The following PTK2 variants were observed in gnomAD, a reference collection of about 807,000 sequenced individuals.
PTK2 encodes protein tyrosine kinase 2, also known as focal adhesion kinase 1.
In PTK2, 45 loss-of-function variants were observed where a neutral mutation model predicts 150.1. The observed-to-expected ratio is 0.30, with a 90% CI of 0.24 to 0.38. The LOEUF is 0.38. Ranked by LOEUF, PTK2 falls within the 10% of genes least tolerant of loss-of-function variation. PTK2 has a pLI of 1.00. For synonymous variants in PTK2, 432 were observed against 449.2 expected (o/e 0.96, Z 0.48); for missense variants, 919 against 1,307.3 (o/e 0.70, Z 4.58).
chr8:140,954,506 G>C (rs1320366082), intron 1 of PTK2, among the ~76,000 whole-genome samples: 1 of 152,154 alleles, frequency 6.6e-6, no homozygotes, highest in Non-Finnish European at 1.5e-5. Context: ...TAATGTACCA[G>C]ACAGTATTCT....
chr8:140,856,901 G>T (rs2100132970), intron 5 of PTK2, among the ~76,000 whole-genome samples: 1 of 152,166 alleles, frequency 6.6e-6, no homozygotes, highest in Non-Finnish European at 1.5e-5. Flanking sequence ...TGGCTAAAGG[G>T]ATGGAGAGAT....
At chr8:140,824,539 T>C (rs932105852) in intron 8 of PTK2, among the ~76,000 whole-genome samples, 1 of 152,250 alleles carries the variant, frequency 6.6e-6, no homozygotes, top group African/African-American at 2.4e-5. Context: ...TCTTATGGTC[T>C]GTACTTAAAT....
chr8:140,817,483 TGAG>T (rs1437248626), intron 10 of PTK2, among the ~76,000 whole-genome samples: 10 of 152,204 alleles, frequency 6.6e-5, no homozygotes, highest in Admixed American at 6.5e-4. Flanking sequence ...GTGCAAGGCC[TGAG>T]AAGAAGCCCC....
At chr8:140,862,931 G>A (rs2154605770) in intron 5 of PTK2, among the ~76,000 whole-genome samples, 3 of 152,156 alleles carry the variant, frequency 2.0e-5, no homozygotes, top group African/African-American at 7.2e-5. Flanking sequence ...AAAGCAGCAG[G>A]CCCCAACCTA....
intron 5 of PTK2, among the ~76,000 whole-genome samples, chr8:140,862,112 T>C (rs1304423178): frequency 2.6e-5 from 4 of 152,192 alleles, no homozygotes; most frequent in East Asian, 1.9e-4. Flanking sequence ...CAGTGTGAAC[T>C]AGGAACAAAA....
At chr8:140,978,586 G>A (rs28768427) in intron 1 of PTK2, among the ~76,000 whole-genome samples, 59,326 of 147,040 alleles carry the variant, frequency 0.4, 12,706 homozygotes, top group Non-Finnish European at 0.52. Flanking sequence ...AGTTAGAATG[G>A]CAATCATTAA....
At chr8:140,926,304 T>C (rs190092762) in intron 1 of PTK2, among the ~76,000 whole-genome samples, 4 of 152,274 alleles carry the variant, frequency 2.6e-5, no homozygotes, top group African/African-American at 9.6e-5. Flanking sequence ...AACTAACTGG[T>C]CAGGTGCAGA....
Position 140,924,893 on chromosome 8 carries a change from T to C in PTK2, c.-33+768A>G, listed in dbSNP as rs79091992. 8.1e-4 allele frequency among the ~76,000 whole-genome samples: 123 copies of C among 152,266 alleles called. 1 individual carries two copies. The East Asian group carries it at 0.021, about 26-fold the overall frequency. ...TAGTGTGTGAGATTAGATAAAATCA[T>C]TAGGGTTGCAAAAAATGTTATAAGC... On this transcript the variant is annotated intron_variant, in intron 2 of 31. Transcript: ENST00000522684.
chr8:140,833,081 A>AT, intron 7 of PTK2: 1 of 518,900 alleles, frequency 1.9e-6, no homozygotes, highest in South Asian at 1.4e-5. Flanking sequence ...AAAGTGTTGT[A>AT]TGATTCAAGA....
At chr8:140,967,332 C>A (rs1484724308) in intron 1 of PTK2, among the ~76,000 whole-genome samples, 1 of 152,090 alleles carries the variant, frequency 6.6e-6, no homozygotes, top group Non-Finnish European at 1.5e-5. Flanking sequence ...TTCAATATGA[C>A]ATATTGACAA....
At chr8:140,709,610 C>T (rs1320156025) in intron 23 of PTK2, among the ~76,000 whole-genome samples, 1 of 152,156 alleles carries the variant, frequency 6.6e-6, no homozygotes, top group Non-Finnish European at 1.5e-5. Flanking sequence ...CCAGCAGCTA[C>T]CTCCTGGAGC....
intron 16 of PTK2, 128 bp downstream of exon 19, chr8:140,761,037 A>G (rs2100069135): frequency 1.6e-6 from 1 of 637,606 alleles, no homozygotes; most frequent in Non-Finnish European, 2.6e-6. Context: ...ATTTATGAAG[A>G]GCTTTATAAA....
chr8:140,807,914 G>A (rs1414903150), intron 10 of PTK2, among the ~76,000 whole-genome samples: 1 of 152,174 alleles, frequency 6.6e-6, no homozygotes, highest in Non-Finnish European at 1.5e-5. Flanking sequence ...CTTATCTACA[G>A]GAGGATCACT....
chr8:140,820,584 T>TC (rs2100107927), intron 8 of PTK2: 1 of 21,868 alleles, frequency 4.6e-5, no homozygotes, highest in Non-Finnish European at 6.6e-5. Context: ...TTCTTCTTCT[T>TC]TTTTTTTTTT....
At chr8:140,990,344 C>G (rs2100195239) in intron 1 of PTK2, among the ~76,000 whole-genome samples, 1 of 151,944 alleles carries the variant, frequency 6.6e-6, no homozygotes, top group African/African-American at 2.4e-5. Flanking sequence ...AAGCAGTCCT[C>G]CCACCTCATC....
chr8:140,674,427 A>G (rs752315087), intron 28 of PTK2, 23 bp from the exon 32 acceptor site: 6 of 1,557,376 alleles, frequency 3.9e-6, no homozygotes, highest in South Asian at 2.3e-5. Context: ...AATGATTCCC[A>G]TTAAGTCATG....
intron 31 of PTK2, among the ~76,000 whole-genome samples, chr8:140,661,711 G>A (rs1210509245): frequency 3.3e-5 from 5 of 152,192 alleles, no homozygotes; most frequent in Non-Finnish European, 5.9e-5. Flanking sequence ...GGCAGGAGAG[G>A]AGTGAGTGAG....
intron 5 of PTK2, 73 bp from the exon 6 acceptor site, chr8:140,846,751 T>C (rs1598415247): frequency 5.9e-6 from 6 of 1,021,966 alleles, no homozygotes; most frequent in Non-Finnish European, 8.8e-6. Context: ...TCAATAAATG[T>C]TTCCTGAGTA....
chr8:140,997,107 C>T (rs933575185), intron 1 of PTK2, among the ~76,000 whole-genome samples: 6 of 152,118 alleles, frequency 3.9e-5, no homozygotes, highest in Non-Finnish European at 7.4e-5. Context: ...GAGGGATTCA[C>T]GACTTCAGTA....
Sources: allele counts gnomAD v4.1 joint callset (sites outside exome capture counted in the v4.1 genomes callset), GRCh38; gene constraint gnomAD v4.1.1; transcripts MANE v1.5; gene names NCBI Gene and HGNC (gene_info 2026-07-23, HGNC 2026-07-21).